CATSPERE: variants seen among roughly 807,000 people sequenced by gnomAD.
CATSPERE encodes cation channel sperm-associated auxiliary subunit epsilon.
In CATSPERE, 93 loss-of-function variants were observed where a neutral mutation model predicts 114.1. The observed-to-expected ratio is 0.81, with a 90% CI of 0.69 to 0.97. The LOEUF is 0.97. Ranked by LOEUF, CATSPERE falls within the 50% of genes least tolerant of loss-of-function variation. CATSPERE has a pLI of 0.00. For synonymous variants in CATSPERE, 341 were observed against 384.1 expected (o/e 0.89, Z 1.31); for missense variants, 1,058 against 1,131.6 (o/e 0.93, Z 0.93).
At chr1:244,451,781 G>A, upstream of CATSPERE, 1 of 1,598,716 alleles carries the variant, frequency 6.3e-7, no homozygotes, top group Admixed American at 1.7e-5. This position sits in a 1 kb window ranked among gnomAD's most constrained non-coding sequence, Gnocchi z 6.6. Context: ...CCGTTGGGCA[G>A]GGAGGATGCC....
intron 9 of CATSPERE, among the ~76,000 whole-genome samples, chr1:244,560,054 A>G (rs1461110835): frequency 1.3e-5 from 2 of 152,024 alleles, no homozygotes; most frequent in African/African-American, 4.8e-5. Context: ...GTGCAGTGGC[A>G]TGATCATGGC....
intron 2 of CATSPERE, among the ~76,000 whole-genome samples, chr1:244,468,691 G>C (rs1007576698): frequency 6.6e-6 from 1 of 152,168 alleles, no homozygotes; most frequent in Non-Finnish European, 1.5e-5. Flanking sequence ...GGCCAAGGCA[G>C]GTGGATCTCT....
rs1053612325 is a variant in CATSPERE at position 244,491,092 on chromosome 1, G to A, written c.351+621G>A. 4.9e-4 allele frequency among the ~76,000 whole-genome samples: 74 copies of A among 152,144 alleles called. 1 individual carries two copies. The highest frequency in any genetic ancestry group is 3.0e-3 in the Admixed American group (46 of 15,264). The stretch of plus-strand genomic sequence containing the variant: ...ATTGAACTCAGCTCTGCACCAAGCG[G>A]ACCTAATAGACATCTACAGAACTCT... On this transcript the variant is annotated intron_variant, in intron 6 of 21. Transcript: ENST00000366534.
At chr1:244,480,173 TATATGC>T (rs1670037071) in intron 5 of CATSPERE, among the ~76,000 whole-genome samples, 2 of 152,208 alleles carry the variant, frequency 1.3e-5, no homozygotes, top group Admixed American at 1.3e-4. Flanking sequence ...GCTCTTCTAT[TATATGC>T]ATTTCAAAAA....
chr1:244,622,866 A>G (rs1466653996), intron 20 of CATSPERE, among the ~76,000 whole-genome samples: 1 of 152,132 alleles, frequency 6.6e-6, no homozygotes, highest in African/African-American at 2.4e-5. Flanking sequence ...TAATATAATC[A>G]TCCACACCAG....
At chr1:244,586,060 G>A (rs1666978115) in intron 13 of CATSPERE, among the ~76,000 whole-genome samples, 2 of 152,186 alleles carry the variant, frequency 1.3e-5, no homozygotes, top group South Asian at 4.1e-4. Flanking sequence ...GTTAAGGCAG[G>A]AGCTGTCCGG....
intron 2 of CATSPERE, among the ~76,000 whole-genome samples, chr1:244,470,339 A>G (rs1367649623): frequency 6.6e-6 from 1 of 152,216 alleles, no homozygotes; most frequent in Non-Finnish European, 1.5e-5. Flanking sequence ...TAATTTGGTA[A>G]TAAAAATACA....
chr1:244,518,363 A>T (rs1676975350), intron 7 of CATSPERE, among the ~76,000 whole-genome samples: 1 of 152,186 alleles, frequency 6.6e-6, no homozygotes, highest in African/African-American at 2.4e-5. Context: ...GATTGTGTGT[A>T]GAGTTTTTGA....
chr1:244,533,557 C>G (rs987740031), intron 8 of CATSPERE, among the ~76,000 whole-genome samples: 2 of 151,998 alleles, frequency 1.3e-5, no homozygotes, highest in African/African-American at 4.8e-5. Context: ...TACCATGAAG[C>G]TTGCAAATAA....
At chr1:244,557,443 T>C (rs181478835) in intron 9 of CATSPERE, among the ~76,000 whole-genome samples, 509 of 146,530 alleles carry the variant, frequency 3.5e-3, no homozygotes, top group African/African-American at 0.012. Flanking sequence ...TACAGATTTT[T>C]TACCTTCTTG....
chr1:244,602,040 T>C (rs1240526562), intron 17 of CATSPERE, among the ~76,000 whole-genome samples: 3 of 151,056 alleles, frequency 2.0e-5, no homozygotes, highest in Non-Finnish European at 4.4e-5. Context: ...ACTGGAAATC[T>C]CTATGAGGTC....
intron 9 of CATSPERE, among the ~76,000 whole-genome samples, chr1:244,560,181 G>A (rs1322290816): frequency 6.6e-6 from 1 of 151,896 alleles, no homozygotes; most frequent in Non-Finnish European, 1.5e-5. Flanking sequence ...TGTAGAAATG[G>A]GGTCTCATTT....
At chr1:244,625,864 C>T (rs888290819) in intron 20 of CATSPERE, among the ~76,000 whole-genome samples, 3 of 151,470 alleles carry the variant, frequency 2.0e-5, no homozygotes, top group Admixed American at 2.0e-4. Flanking sequence ...GCTGGGATTA[C>T]AGGTGTGAGC....
At chr1:244,584,502 A>C (rs1425847372) in intron 13 of CATSPERE, among the ~76,000 whole-genome samples, 1 of 149,428 alleles carries the variant, frequency 6.7e-6, no homozygotes, top group African/African-American at 2.6e-5. Context: ...AAATAGTATC[A>C]GGGTGTTCAG....
chr1:244,628,786 T>C (rs537804677), intron 20 of CATSPERE, among the ~76,000 whole-genome samples: 1 of 152,338 alleles, frequency 6.6e-6, no homozygotes, highest in East Asian at 1.9e-4. Context: ...TGTCCACATC[T>C]AGATTCAGAG....
chr1:244,572,474 A>G lies in CATSPERE; in HGVS notation c.1652A>G (p.Tyr551Cys). 1 of 1,614,112 alleles carries G rather than the reference A, an allele frequency of 6.2e-7. No individual in the cohort carries two copies. Among genetic ancestry groups the G allele is most frequent in the South Asian group, 1.1e-5 (1 of 91,086 alleles). ...TTCTTAAGTACATCTGGTCAAACAT[A>G]TTTCCTGTATGCTTTGGATGATGGC... is the stretch of plus-strand genomic sequence containing the variant. ...FIFLSTSGQT[Y>C]FLYALDDGTI... Residue 551 changes from tyrosine to cysteine, a missense_variant, in exon 11 of 22, where the codon TAT (tyrosine) becomes TGT (cysteine). Around this residue, in one of 2 missense-constraint regions of CATSPERE, gnomAD observed 787 missense variants for 905.6 expected, o/e 0.87. Coordinates refer to ENST00000366534, the MANE Select transcript of CATSPERE (RefSeq NM_001130957.2).
chr1:244,604,439 A>G lies in CATSPERE; in HGVS notation c.2304-1256A>G, dbSNP rs545421971. ...TAATAACAAGGGTTGGGTGTTAGCAAGCTGTAGCAGACCTAGAAGGCCAGA... is the reference window on the plus strand; with the variant it reads ...TAATAACAAGGGTTGGGTGTTAGCAGGCTGTAGCAGACCTAGAAGGCCAGA... On this transcript the variant is annotated intron_variant, in intron 17 of 21. Coordinates refer to ENST00000366534, the MANE Select transcript of CATSPERE (RefSeq NM_001130957.2). Among the ~76,000 whole-genome samples the G allele has an allele frequency of 6.1e-4, 93 of 152,398 alleles. No individual in the cohort carries two copies. The South Asian group carries it at 8.3e-3, about 14-fold the overall frequency.
chr1:244,452,651 G>A (rs1370196890), upstream of CATSPERE, among the ~76,000 whole-genome samples: 1 of 152,160 alleles, frequency 6.6e-6, no homozygotes, highest in Non-Finnish European at 1.5e-5. Flanking sequence ...ATACCGTCAT[G>A]CACTTCTTTA....
chr1:244,635,563 G>C, intron 21 of CATSPERE, 21 bp downstream of exon 21: 1 of 1,587,030 alleles, frequency 6.3e-7, no homozygotes, highest in East Asian at 2.2e-5. Context: ...GGGCCTAACT[G>C]GACTTTAATT....
Sources: gnomAD v4.1 joint callset for allele counts (sites outside exome capture counted in the v4.1 genomes callset) on GRCh38, gnomAD v4.1.1 for gene constraint, gnomAD v4.1.1 regional missense constraint, Gnocchi (gnomAD v3.1) non-coding constraint, MANE v1.5 for transcripts, NCBI Gene and HGNC (gene_info 2026-07-23, HGNC 2026-07-21) for gene names.